The following CHIC1 variants were observed in gnomAD, a reference collection of about 807,000 sequenced individuals.
CHIC1 encodes cysteine rich hydrophobic domain 1.
CHIC1 carries 7 observed loss-of-function variants against 18.5 expected under a neutral mutation model. The observed-to-expected ratio is 0.38, with a 90% confidence interval of 0.22 to 0.71. The LOEUF is 0.71. CHIC1 is among the 30% of genes least tolerant of loss of function. The probability of loss-of-function intolerance (pLI) is 0.49; values close to 1 mark genes in which losing one functional copy is unlikely to be tolerated. For synonymous variants in CHIC1, 77 were observed against 73.5 expected (o/e 1.05, Z -0.25); for missense variants, 159 against 176.9 (o/e 0.90, Z 0.57).
chrX:73,604,796 T>G (rs1316166836), intron 3 of CHIC1, among the ~76,000 whole-genome samples: 2 of 109,316 alleles, frequency 1.8e-5, no homozygotes, highest in Non-Finnish European at 3.8e-5. Context: ...TTGTTCAGTT[T>G]CCATGTAGTT....
rs1262041666 is a variant in CHIC1, at chrX:73,686,235, C to T, written c.*5230C>T. 9.0e-6 allele frequency: 1 copy of T among 110,779 alleles called. No individual in the cohort carries two copies. The highest frequency in any genetic ancestry group is 3.3e-5 in the African/African-American group (1 of 30,640). 9.1% of individuals were successfully genotyped at this position (110,779 alleles called of 1,213,427 possible). On this transcript the variant is annotated 3_prime_UTR_variant, in exon 6 of 6. Coordinates refer to ENST00000373502, the MANE Select transcript of CHIC1 (RefSeq NM_001039840.4). ...TATAAAGGAACTAAGATTATTTGACCCCCTCCACAGATTGCTTACCTAGTC... is the reference window on the plus strand; with the variant it reads ...TATAAAGGAACTAAGATTATTTGACTCCCTCCACAGATTGCTTACCTAGTC...
intron 2 of CHIC1, among the ~76,000 whole-genome samples, chrX:73,581,981 T>C (rs1047733045): frequency 2.7e-5 from 3 of 110,746 alleles, no homozygotes; most frequent in Admixed American, 9.6e-5. Context: ...TTTTATTCTC[T>C]AGCTTTTGTC....
chrX:73,664,427 G>A lies in CHIC1; in HGVS notation c.508-14899G>A, dbSNP rs189888406. On this transcript the variant is annotated intron_variant, in intron 3 of 5. Coordinates refer to ENST00000373502, the MANE Select transcript of CHIC1 (RefSeq NM_001039840.4). Reference sequence around the variant, plus strand: ...CAATATTTTGGCTTTGTGTGTTTTAGTCCCCACCAGTTGACATGCTCGTAT... The same window carrying A: ...CAATATTTTGGCTTTGTGTGTTTTAATCCCCACCAGTTGACATGCTCGTAT... Among the ~76,000 whole-genome samples, 7 of 110,606 alleles carry A rather than the reference G, an allele frequency of 6.3e-5. 1 individual carries two copies. The highest frequency in any genetic ancestry group is 1.3e-4 in the Non-Finnish European group (7 of 53,010).
chrX:73,574,764 T>C (rs1294861519), intron 1 of CHIC1, among the ~76,000 whole-genome samples: 2 of 110,825 alleles, frequency 1.8e-5, no homozygotes, highest in Non-Finnish European at 3.8e-5. Context: ...TGGGATAGGT[T>C]GTAATGTCAT....
intron 3 of CHIC1, among the ~76,000 whole-genome samples, chrX:73,617,856 T>A (rs1273485384): frequency 2.7e-5 from 3 of 111,467 alleles, no homozygotes; most frequent in Non-Finnish European, 3.8e-5. Flanking sequence ...TAAAGAAATT[T>A]GTTGTGTCAT....
At chrX:73,635,726 T>C (rs1049065960) in intron 3 of CHIC1, among the ~76,000 whole-genome samples, 4 of 112,074 alleles carry the variant, frequency 3.6e-5, no homozygotes, top group African/African-American at 1.3e-4. Flanking sequence ...ATTTCTGATT[T>C]TATTGAGTCT....
chrX:73,669,841 G>C (rs141222832), intron 3 of CHIC1, among the ~76,000 whole-genome samples: 2,006 of 111,865 alleles, frequency 0.018, 18 homozygotes, highest in Middle Eastern at 0.037. Flanking sequence ...AAGTGAGGTG[G>C]AAATGGGGCC....
chrX:73,626,372 A>G (rs1292483314), intron 3 of CHIC1, among the ~76,000 whole-genome samples: 1 of 111,073 alleles, frequency 9.0e-6, no homozygotes, highest in Non-Finnish European at 1.9e-5. Context: ...TGTTATTATC[A>G]CTTTGAATAA....
chrX:73,652,427 A>G (rs747525813), intron 3 of CHIC1, among the ~76,000 whole-genome samples: 1 of 112,454 alleles, frequency 8.9e-6, no homozygotes, highest in Non-Finnish European at 1.9e-5. Context: ...AGCAAAAGAA[A>G]CTATCATCAG....
intron 3 of CHIC1, among the ~76,000 whole-genome samples, chrX:73,674,320 C>G (rs887328508): frequency 8.9e-6 from 1 of 112,145 alleles, no homozygotes; most frequent in African/African-American, 3.2e-5. Flanking sequence ...ACCAGCTCCT[C>G]TTTCTACCTC....
At chrX:73,570,789 A>T (rs1464967296) in intron 1 of CHIC1, among the ~76,000 whole-genome samples, 3 of 111,189 alleles carry the variant, frequency 2.7e-5, no homozygotes, top group Non-Finnish European at 1.9e-5. Flanking sequence ...AAAGCAGAAG[A>T]CTAAAAGCTA....
At chrX:73,573,281 A>G (rs1399413943) in intron 1 of CHIC1, among the ~76,000 whole-genome samples, 2 of 110,833 alleles carry the variant, frequency 1.8e-5, no homozygotes, top group Non-Finnish European at 3.8e-5. Context: ...TCTGTGGTCT[A>G]TTCTGTTCCA....
At chrX:73,651,461 A>G (rs970447997) in intron 3 of CHIC1, among the ~76,000 whole-genome samples, 6 of 111,312 alleles carry the variant, frequency 5.4e-5, no homozygotes, top group Non-Finnish European at 3.8e-5. Flanking sequence ...AGATGACACG[A>G]TTGTATATTT....
In CHIC1 at chrX:73,608,709, A is replaced by G. The variant is rs2057694108; in HGVS notation, c.507+24137A>G. On this transcript the variant is annotated intron_variant, in intron 3 of 5. Transcript: ENST00000373502. ...AGCGTGTTTATTATTGCACAGAAACAAACTGATTTTTGTGTATTCAGTTTG... is the reference window on the plus strand; with the variant it reads ...AGCGTGTTTATTATTGCACAGAAACGAACTGATTTTTGTGTATTCAGTTTG... Among the ~76,000 whole-genome samples the G allele has an allele frequency of 2.8e-5, 3 of 108,772 alleles. No individual in the cohort carries two copies. The South Asian group carries it at 1.1e-3, about 41-fold the overall frequency. The allele number at this position is 108,772 out of a possible 115,157, so 94.5% of individuals were successfully genotyped here.
At chrX:73,660,965 T>G (rs767625022) in intron 3 of CHIC1, among the ~76,000 whole-genome samples, 1 of 112,161 alleles carries the variant, frequency 8.9e-6, no homozygotes, top group South Asian at 3.7e-4. Context: ...ATAAGGCTTG[T>G]GCTAGTGGTG....
intron 3 of CHIC1, among the ~76,000 whole-genome samples, chrX:73,584,861 A>G (rs2057545469): frequency 1.8e-5 from 2 of 111,364 alleles, no homozygotes; most frequent in Non-Finnish European, 3.8e-5. Flanking sequence ...TTTTTAAAAT[A>G]CCTGATGCTG....
Position 73,681,192 on chromosome X carries a change from TTG to T in CHIC1, c.*191_*192del. ...CATCTTTTTTGTCTTTCAATGAGGCTTGTGTTTTGCACTCTCAATTTTAAATA... is the reference window on the plus strand; with the variant it reads ...CATCTTTTTTGTCTTTCAATGAGGCTTGTTTTGCACTCTCAATTTTAAATA... On this transcript the variant is annotated 3_prime_UTR_variant, in exon 6 of 6. Transcript: ENST00000373502. 2.6e-6 allele frequency: 1 copy of T among 388,970 alleles called. No individual in the cohort carries two copies. Among genetic ancestry groups the T allele is most frequent in the Non-Finnish European group, 4.4e-6 (1 of 226,339 alleles). The allele number at this position is 388,970 out of a possible 1,213,427, so 32.1% of individuals were successfully genotyped here.
chrX:73,649,390 AAGAC>A (rs2057904861), intron 3 of CHIC1, among the ~76,000 whole-genome samples: 1 of 111,826 alleles, frequency 8.9e-6, no homozygotes, highest in African/African-American at 3.3e-5. Context: ...CCCTAATTGA[AAGAC>A]AGAGTGGCAC....
intron 3 of CHIC1, among the ~76,000 whole-genome samples, chrX:73,590,661 A>AT (rs2057577284): frequency 1.8e-5 from 2 of 111,207 alleles, no homozygotes; most frequent in African/African-American, 6.5e-5. Flanking sequence ...CTAACTTTTT[A>AT]TTGTCTCCAT....
Sources: allele counts gnomAD v4.1 joint callset (sites outside exome capture counted in the v4.1 genomes callset), GRCh38; gene constraint gnomAD v4.1.1; transcripts MANE v1.5; gene names NCBI Gene and HGNC (gene_info 2026-07-23, HGNC 2026-07-21).